The following SEMA3A variants were observed in gnomAD, a reference collection of about 807,000 sequenced individuals.
SEMA3A encodes semaphorin 3A.
A neutral mutation model predicts 97.9 loss-of-function variants in SEMA3A; 29 were observed. The ratio of observed to expected loss-of-function variants is 0.30; its 90% CI spans 0.22 to 0.40. SEMA3A has a LOEUF of 0.40. Ranked by LOEUF, SEMA3A falls within the 10% of genes least tolerant of loss-of-function variation. SEMA3A has a pLI of 1.00. For missense variants in SEMA3A, 763 were observed against 951.3 expected (o/e 0.80, Z 2.60); for synonymous variants, 321 against 323.7 (o/e 0.99, Z 0.09).
chr7:83,992,379 CT>C (rs1446202182), intron 12 of SEMA3A, among the ~76,000 whole-genome samples: 2 of 138,726 alleles, frequency 1.4e-5, no homozygotes, highest in Non-Finnish European at 3.1e-5. Flanking sequence ...TGTGTTTGCT[CT>C]TGCTTTTCTA....
chr7:84,089,052 A>G (rs540187858), intron 4 of SEMA3A, among the ~76,000 whole-genome samples: 1 of 152,272 alleles, frequency 6.6e-6, no homozygotes, highest in South Asian at 2.1e-4. Context: ...CCTAAGACAC[A>G]ATAATGAGTC....
intron 3 of SEMA3A, among the ~76,000 whole-genome samples, chr7:84,286,467 AAT>A (rs1224902675): frequency 6.6e-6 from 1 of 152,174 alleles, no homozygotes; most frequent in African/African-American, 2.4e-5. Flanking sequence ...AACAAATATA[AAT>A]ATGAGTCTCT....
intron 1 of SEMA3A, among the ~76,000 whole-genome samples, chr7:84,429,421 A>T: frequency 6.7e-6 from 1 of 149,794 alleles, no homozygotes; most frequent in East Asian, 2.0e-4. Flanking sequence ...ATAAAAGTTG[A>T]AGGTGAATAT....
intron 14 of SEMA3A, among the ~76,000 whole-genome samples, chr7:83,979,253 C>T (rs780282128): frequency 2.0e-5 from 3 of 151,934 alleles, no homozygotes; most frequent in African/African-American, 7.3e-5. Context: ...TCTGCCTCAG[C>T]CTCCCAAATA....
intron 3 of SEMA3A, among the ~76,000 whole-genome samples, chr7:84,206,283 T>G (rs570153650): frequency 7.7e-4 from 117 of 152,188 alleles, no homozygotes; most frequent in Admixed American, 2.1e-3. Context: ...TCTGGTGAAT[T>G]TTTAAAATCT....
At chr7:84,444,808 C>T (rs1189611230) in intron 1 of SEMA3A, among the ~76,000 whole-genome samples, 1 of 152,020 alleles carries the variant, frequency 6.6e-6, no homozygotes, top group African/African-American at 2.4e-5. Context: ...GATCCGCCTG[C>T]CACAGCCTCC....
At chr7:83,979,641 T>C (rs955260839) in intron 14 of SEMA3A, among the ~76,000 whole-genome samples, 1 of 152,196 alleles carries the variant, frequency 6.6e-6, no homozygotes, top group Non-Finnish European at 1.5e-5. Context: ...TGAATGGTTA[T>C]ATAAAAGTAA....
chr7:84,457,647 A>T (rs1805719095), intron 1 of SEMA3A, among the ~76,000 whole-genome samples: 1 of 152,002 alleles, frequency 6.6e-6, no homozygotes, highest in South Asian at 2.1e-4. Context: ...CTGTTTAATC[A>T]ACTGTTACAT....
At chr7:84,127,571 T>C (rs1329938296) in intron 3 of SEMA3A, among the ~76,000 whole-genome samples, 1 of 152,186 alleles carries the variant, frequency 6.6e-6, no homozygotes, top group Non-Finnish European at 1.5e-5. Flanking sequence ...TAACTATATG[T>C]TTAATATATA....
intron 3 of SEMA3A, among the ~76,000 whole-genome samples, chr7:84,247,758 G>A (rs1458055938): frequency 1.3e-5 from 2 of 152,148 alleles, no homozygotes; most frequent in Non-Finnish European, 2.9e-5. Context: ...TCACCACCTG[G>A]TAACTGTTGG....
At chr7:84,189,647 T>C (rs1423882907) in intron 1 of SEMA3A, among the ~76,000 whole-genome samples, 1 of 151,628 alleles carries the variant, frequency 6.6e-6, no homozygotes, top group Non-Finnish European at 1.5e-5. Flanking sequence ...TGATAGAAAA[T>C]TTAATGCCCT....
chr7:84,208,687 A>AATG (rs1322568274), intron 3 of SEMA3A, among the ~76,000 whole-genome samples: 1 of 152,222 alleles, frequency 6.6e-6, no homozygotes, highest in Non-Finnish European at 1.5e-5. Context: ...TTCTCTACTG[A>AATG]ATGATACAAA....
rs55947584 is a variant in SEMA3A at position 84,473,051 on chromosome 7, A to C, written c.-246+19409T>G. ...AGCTCTGCCACTAAATCTAGATAAG[A>C]AACTCTATAATTTACTTAATCTCTT... On this transcript the variant is annotated intron_variant, in intron 1 of 3. Coordinates refer to the SEMA3A transcript ENST00000424555. 1.0e-3 allele frequency among the ~76,000 whole-genome samples: 159 copies of C among 152,132 alleles called. 2 individuals carry two copies. Among genetic ancestry groups the C allele is most frequent in the African/African-American group, 3.7e-3 (154 of 41,510 alleles).
chr7:83,973,795 G>C (rs1200829537), intron 15 of SEMA3A, among the ~76,000 whole-genome samples: 1 of 151,904 alleles, frequency 6.6e-6, no homozygotes, highest in Admixed American at 6.6e-5. Flanking sequence ...CTATTAGAAA[G>C]TGAAATTCAA....
chr7:84,098,591 A>C (rs1794850649), intron 4 of SEMA3A, among the ~76,000 whole-genome samples: 1 of 152,120 alleles, frequency 6.6e-6, no homozygotes, highest in Admixed American at 6.6e-5. Context: ...CTGCCAAGGA[A>C]TTTTACCAAG....
chr7:84,254,699 A>G (rs1167875252), intron 3 of SEMA3A, among the ~76,000 whole-genome samples: 1 of 152,116 alleles, frequency 6.6e-6, no homozygotes, highest in East Asian at 1.9e-4. Context: ...ATATTTACAA[A>G]ATGGACTTTC....
chr7:84,277,587 T>C (rs1419018506), intron 3 of SEMA3A, among the ~76,000 whole-genome samples: 1 of 152,158 alleles, frequency 6.6e-6, no homozygotes. Flanking sequence ...AGTCCATTCT[T>C]GCATTGCTAT....
intron 6 of SEMA3A, among the ~76,000 whole-genome samples, chr7:84,018,455 T>C (rs1271724943): frequency 6.6e-6 from 1 of 152,192 alleles, no homozygotes; most frequent in Non-Finnish European, 1.5e-5. Flanking sequence ...TTGTCTACAT[T>C]GTAGTTATTA....
rs1419253433 is a variant in SEMA3A, at chr7:83,956,914, C to A, written c.*4457G>T. 6.6e-6 allele frequency: 1 copy of A among 151,954 alleles called. No individual in the cohort carries two copies. The highest frequency in any genetic ancestry group is 1.5e-5 in the Non-Finnish European group (1 of 67,996). 9.4% of individuals were successfully genotyped at this position (151,954 alleles called of 1,614,324 possible). A position where few individuals can be genotyped will look rare whatever the true frequency, so the allele number is the denominator to read the frequency against. On this transcript the variant is annotated 3_prime_UTR_variant, in exon 17 of 17. Coordinates refer to ENST00000265362, the MANE Select transcript of SEMA3A (RefSeq NM_006080.3). ...GATCTCTCTCCACAAGTTAATTCCT[C>A]CTTTTTTTTTTCTTTGATCCATACC...
Sources: allele counts gnomAD v4.1 joint callset (sites outside exome capture counted in the v4.1 genomes callset), GRCh38; gene constraint gnomAD v4.1.1; transcripts MANE v1.5; gene names NCBI Gene and HGNC (gene_info 2026-07-23, HGNC 2026-07-21).